Variants in NT5C3A observed in about 807,000 individuals in gnomAD.
NT5C3A encodes cytosolic 5'-nucleotidase 3A.
Under a neutral mutation model 40.0 loss-of-function variants are expected in NT5C3A, and 23 were observed. The ratio of observed to expected loss-of-function variants is 0.58; its 90% CI spans 0.41 to 0.81. The LOEUF is 0.81. Among genes scored for constraint, NT5C3A ranks in the 40% least tolerant of loss-of-function variants. The probability of loss-of-function intolerance (pLI) is 0.00; values close to 1 mark genes in which losing one functional copy is unlikely to be tolerated. For synonymous variants in NT5C3A, 130 were observed against 141.4 expected (o/e 0.92, Z 0.57); for missense variants, 328 against 403.0 (o/e 0.81, Z 1.59).
intron 5 of NT5C3A, 58 bp downstream of exon 5, chr7:33,021,214 A>G: frequency 6.3e-7 from 1 of 1,596,190 alleles, no homozygotes; most frequent in Admixed American, 1.7e-5. Context: ...ATCAGTTGTA[A>G]CTGCAGTGTT....
At position 33,058,728 on chromosome 7, in the gene NT5C3A, AAC is replaced by A. The variant is rs1787665364; in HGVS notation, c.138+3838_138+3839del. ...AGGCATCTGTCCACATCTCCCCTAG[AAC>A]TTTGCTAGACTGATTATTTTTTCTC... On this transcript the variant is annotated intron_variant, in intron 1 of 8. Transcript: ENST00000610140. Among the ~76,000 whole-genome samples, 4 of 152,276 alleles carry A rather than the reference AAC, an allele frequency of 2.6e-5. No individual in the cohort carries two copies. The South Asian group carries it at 8.3e-4, about 32-fold the overall frequency.
intron 1 of NT5C3A, among the ~76,000 whole-genome samples, chr7:33,040,535 C>A (rs1242322271): frequency 6.6e-6 from 1 of 152,196 alleles, no homozygotes; most frequent in Non-Finnish European, 1.5e-5. Flanking sequence ...ACATAGCCAA[C>A]TGAATGAACA....
chr7:33,032,280 G>T (rs140226036), intron 1 of NT5C3A, among the ~76,000 whole-genome samples: 157 of 151,652 alleles, frequency 1.0e-3, no homozygotes, highest in African/African-American at 3.7e-3. Context: ...AAAATTAGCT[G>T]GGCATGGTGG....
chr7:33,058,490 G>A (rs1448866838), intron 1 of NT5C3A, among the ~76,000 whole-genome samples: 3 of 151,834 alleles, frequency 2.0e-5, no homozygotes, highest in Non-Finnish European at 4.4e-5. Flanking sequence ...AGGATTACAG[G>A]CACCCGCCAC....
At chr7:33,055,238 T>C (rs374783772) in intron 1 of NT5C3A, among the ~76,000 whole-genome samples, 12 of 152,038 alleles carry the variant, frequency 7.9e-5, no homozygotes, top group African/African-American at 1.9e-4. Flanking sequence ...GGCATGAGAA[T>C]TGCTTGAACC....
At chr7:33,032,240 A>G (rs1386606939) in intron 1 of NT5C3A, among the ~76,000 whole-genome samples, 1 of 151,806 alleles carries the variant, frequency 6.6e-6, no homozygotes, top group Non-Finnish European at 1.5e-5. Flanking sequence ...CCTGGGTAAC[A>G]TGGTGAAACC....
intron 1 of NT5C3A, among the ~76,000 whole-genome samples, chr7:33,060,369 C>CT (rs3082829): frequency 0.032 from 2,544 of 78,462 alleles, 179 homozygotes; most frequent in South Asian, 0.087. Context: ...TGCTTTCCTT[C>CT]TTTTTTTTTT....
rs570532182 is a variant in NT5C3A, at chr7:33,036,197, T to C, written c.139-9282A>G. On this transcript the variant is annotated intron_variant, in intron 1 of 8. Transcript: ENST00000610140. ...TTGGGTGGATGCCTTGGATAATCCATTCAAGGAAGATCACTTAGTCCAACT... is the reference window on the plus strand; with the variant it reads ...TTGGGTGGATGCCTTGGATAATCCACTCAAGGAAGATCACTTAGTCCAACT... 5 of 570,080 alleles carry C rather than the reference T, an allele frequency of 8.8e-6. No homozygotes were observed. The Admixed American group carries it at 1.5e-4, about 17-fold the overall frequency. The allele number at this position is 570,080 out of a possible 1,614,324, so 35.3% of individuals were successfully genotyped here.
At position 33,017,326 on chromosome 7, in the gene NT5C3A, C is replaced by T. The variant is rs149434157; in HGVS notation, c.693+113G>A. 3.5e-3 allele frequency: 2,714 copies of T among 781,724 alleles called. 11 individuals carry two copies. The highest frequency in any genetic ancestry group is 4.6e-3 in the Non-Finnish European group (2,187 of 479,316). The allele number at this position is 781,724 out of a possible 1,614,324, so 48.4% of individuals were successfully genotyped here. Reference sequence around the variant, plus strand: ...GGATGGAGTCCCACAGTGGGCCTATCGGCTTGGCCTAATTTCTGGATATAG... The same window carrying T: ...GGATGGAGTCCCACAGTGGGCCTATTGGCTTGGCCTAATTTCTGGATATAG... On this transcript the variant is annotated intron_variant, in intron 7 of 8. Transcript: ENST00000610140.
intron 3 of NT5C3A, among the ~76,000 whole-genome samples, chr7:33,022,953 T>C (rs961197872): frequency 2.0e-5 from 3 of 151,992 alleles, no homozygotes; most frequent in African/African-American, 4.8e-5. Flanking sequence ...GGTCTTGTTT[T>C]GTCATCCAGG....
chr7:33,058,015 A>G (rs1787634157), intron 1 of NT5C3A, among the ~76,000 whole-genome samples: 1 of 152,262 alleles, frequency 6.6e-6, no homozygotes. Flanking sequence ...AATAAGATTA[A>G]GCAATCTCAT....
At chr7:33,016,788 C>T (rs1286240096) in intron 7 of NT5C3A, among the ~76,000 whole-genome samples, 1 of 151,924 alleles carries the variant, frequency 6.6e-6, no homozygotes, top group Non-Finnish European at 1.5e-5. Context: ...TAATATACTG[C>T]CTTGATTAGA....
intron 1 of NT5C3A, among the ~76,000 whole-genome samples, chr7:33,038,260 C>A (rs1786715763): frequency 6.6e-6 from 1 of 152,000 alleles, no homozygotes; most frequent in African/African-American, 2.4e-5. Context: ...ACAATTCACA[C>A]AGTGAAGAAT....
chr7:33,015,971 T>C (rs778088025), intron 7 of NT5C3A, 101 bp from the exon 8 acceptor site: 1 of 795,458 alleles, frequency 1.3e-6, no homozygotes, highest in African/African-American at 1.7e-5. Context: ...TTTCATCATA[T>C]TTGTAAATAC....
At chr7:33,032,894 C>T (rs1201186213) in intron 1 of NT5C3A, among the ~76,000 whole-genome samples, 2 of 152,126 alleles carry the variant, frequency 1.3e-5, no homozygotes, top group Non-Finnish European at 2.9e-5. Context: ...GCTGGGACTA[C>T]AGCCATCTGC....
chr7:33,051,405 G>A (rs1276249136), intron 1 of NT5C3A, among the ~76,000 whole-genome samples: 1 of 151,944 alleles, frequency 6.6e-6, no homozygotes, highest in East Asian at 1.9e-4. Flanking sequence ...TTTGTGATCC[G>A]CCCGCCTCGG....
chr7:33,019,460 T>TA (rs1451416668), intron 6 of NT5C3A, among the ~76,000 whole-genome samples, 175 bp downstream of exon 6: 1 of 152,202 alleles, frequency 6.6e-6, no homozygotes, highest in African/African-American at 2.4e-5. Flanking sequence ...CAAGATCTAA[T>TA]ACGTCATTCT....
chr7:33,015,573 TA>T, intron 8 of NT5C3A, 96 bp downstream of exon 8: 1 of 791,232 alleles, frequency 1.3e-6, no homozygotes, highest in Non-Finnish European at 2.1e-6. Flanking sequence ...AAAAAGTCTC[TA>T]AAATAACTAC....
chr7:33,046,135 G>C (rs555661187), intron 1 of NT5C3A: 1 of 152,168 alleles, frequency 6.6e-6, no homozygotes, highest in Non-Finnish European at 1.5e-5. Flanking sequence ...ACTTATCCTA[G>C]TAGATGACTG....
Sources: allele counts gnomAD v4.1 joint callset (sites outside exome capture counted in the v4.1 genomes callset), GRCh38; gene constraint gnomAD v4.1.1; transcripts MANE v1.5; gene names NCBI Gene and HGNC (gene_info 2026-07-23, HGNC 2026-07-21).